The following OTUD7B variants were observed in gnomAD, a reference collection of about 807,000 sequenced individuals.
The protein encoded by OTUD7B is OTU domain-containing protein 7B.
A neutral mutation model predicts 82.2 loss-of-function variants in OTUD7B; 34 were observed. That is an observed-to-expected ratio of 0.41 (90% CI 0.31 to 0.55). The LOEUF is 0.55. Ranked by LOEUF, OTUD7B falls within the 20% of genes least tolerant of loss-of-function variation. The pLI is 0.20. For missense variants in OTUD7B, 944 were observed against 1,062.1 expected (o/e 0.89, Z 1.55); for synonymous variants, 398 against 402.7 (o/e 0.99, Z 0.14).
chr1:149,957,690 C>T (rs1553774840), intron 7 of OTUD7B, among the ~76,000 whole-genome samples: 3 of 152,194 alleles, frequency 2.0e-5, no homozygotes, highest in African/African-American at 7.2e-5. Context: ...CCACCCAGTT[C>T]GAGCTTCCCG....
Position 149,967,452 on chromosome 1 carries a change from G to A in OTUD7B, c.344C>T (p.Ser115Phe), listed in dbSNP as rs1311788590. 3.7e-6 allele frequency: 6 copies of A among 1,614,014 alleles called. No homozygotes were observed. Among genetic ancestry groups the A allele is most frequent in the Non-Finnish European group, 4.2e-6 (5 of 1,180,006 alleles). The change falls in exon 4 of 12, where the codon TCC becomes TTC. Residue 115 changes from serine to phenylalanine, a missense_variant. This residue lies in a region of OTUD7B where 530 missense variants were observed against 625.6 expected (regional missense o/e 0.85). Coordinates refer to ENST00000581312, the MANE Select transcript of OTUD7B (RefSeq NM_020205.4). ...GCTCCCCCCACCCCCACCATTGGAG[G>A]AGACATGGGACCGGGCCAGGGAAAC... ...SIVSLARSHVSSNGGGGGSNE... is the reference protein window; with the variant it reads ...SIVSLARSHVFSNGGGGGSNE...
chr1:150,066,584 T>C, the OTUD7B span, among the ~76,000 whole-genome samples: 5 of 152,248 alleles, frequency 3.3e-5, no homozygotes, highest in Admixed American at 6.5e-5. This position sits in a 1 kb window ranked among gnomAD's most constrained non-coding sequence, Gnocchi z 4.6. Context: ...CTATTTTAAC[T>C]GTGTACTTCT....
At chr1:149,959,235 A>AG (rs1648958104) in intron 7 of OTUD7B, among the ~76,000 whole-genome samples, 2 of 82 alleles carry the variant, frequency 0.024, no homozygotes, top group Non-Finnish European at 0.042. Context: ...AAAAAAGAAA[A>AG]AAAAGAAAGA....
intron 10 of OTUD7B, among the ~76,000 whole-genome samples, chr1:149,948,142 G>T (rs587750418): frequency 1.4e-4 from 21 of 151,754 alleles, no homozygotes; most frequent in Admixed American, 1.2e-3. Flanking sequence ...ACCACGCCTG[G>T]CTAATTTTGT....
At chr1:149,994,346 G>A (rs782544845) in intron 1 of OTUD7B, among the ~76,000 whole-genome samples, 1 of 152,096 alleles carries the variant, frequency 6.6e-6, no homozygotes, top group Non-Finnish European at 1.5e-5. Context: ...ACTTTGGGAG[G>A]CTGAGGTGGG....
At chr1:149,948,030 AGT>A (rs1364908576) in intron 10 of OTUD7B, among the ~76,000 whole-genome samples, 1 of 152,098 alleles carries the variant, frequency 6.6e-6, no homozygotes, top group Non-Finnish European at 1.5e-5. Context: ...CCCATACTGG[AGT>A]GTAATGGTAC....
intron 8 of OTUD7B, 85 bp from the exon 9 acceptor site, chr1:149,949,863 C>T: frequency 7.0e-7 from 1 of 1,428,666 alleles, no homozygotes; most frequent in South Asian, 1.3e-5. Flanking sequence ...AACTGAGTCC[C>T]TCCCTGCTTT....
At chr1:149,960,477 C>G (rs1178792180) in intron 6 of OTUD7B, among the ~76,000 whole-genome samples, 2 of 147,430 alleles carry the variant, frequency 1.4e-5, no homozygotes, top group Non-Finnish European at 3.0e-5. Flanking sequence ...CTTCACCTCC[C>G]GGGTTCAAAT....
the OTUD7B span, among the ~76,000 whole-genome samples, chr1:150,053,589 T>G: frequency 1.3e-5 from 2 of 151,700 alleles, no homozygotes; most frequent in South Asian, 4.2e-4. Context: ...AGAGACGAGG[T>G]TTCTCCATGT....
intron 7 of OTUD7B, among the ~76,000 whole-genome samples, chr1:149,958,679 A>G (rs1013185266): frequency 3.3e-5 from 5 of 152,050 alleles, no homozygotes; most frequent in Non-Finnish European, 5.9e-5. Flanking sequence ...ACAATAATCA[A>G]ACACAGAGAC....
At chr1:150,056,220 C>T in the OTUD7B span, among the ~76,000 whole-genome samples, 1 of 152,092 alleles carries the variant, frequency 6.6e-6, no homozygotes, top group Non-Finnish European at 1.5e-5. Context: ...TGGTCATCTA[C>T]ATATCTAACA....
intron 6 of OTUD7B, chr1:149,963,905 A>G (rs1408197911): frequency 4.2e-6 from 1 of 238,382 alleles, no homozygotes; most frequent in Non-Finnish European, 8.2e-6. Flanking sequence ...AAAAAACAAA[A>G]CAATACAAAA....
intron 7 of OTUD7B, among the ~76,000 whole-genome samples, chr1:149,956,300 G>C (rs1648661334): frequency 6.6e-6 from 1 of 152,116 alleles, no homozygotes; most frequent in East Asian, 1.9e-4. Context: ...ATGAAGCTTA[G>C]TTTGGCTGGA....
chr1:150,022,426 A>AAAAAAAT, the OTUD7B span, among the ~76,000 whole-genome samples: 9 of 100,826 alleles, frequency 8.9e-5, 3 homozygotes, highest in African/African-American at 1.6e-4. Flanking sequence ...AAAAAAAATA[A>AAAAAAAT]CTACATGCTG....
chr1:149,965,625 AAC>A, intron 5 of OTUD7B, 150 bp downstream of exon 5: 1 of 618,952 alleles, frequency 1.6e-6, no homozygotes, highest in Non-Finnish European at 3.0e-6. Context: ...TGCCAACATA[AAC>A]ACACAGACAC....
chr1:150,031,487 C>T, the OTUD7B span, among the ~76,000 whole-genome samples: 1 of 152,158 alleles, frequency 6.6e-6, no homozygotes, highest in Admixed American at 6.5e-5. Flanking sequence ...GAAGCACATG[C>T]CTAGGCAATA....
chr1:150,037,137 T>C, the OTUD7B span, among the ~76,000 whole-genome samples: 2 of 152,152 alleles, frequency 1.3e-5, no homozygotes, highest in Non-Finnish European at 2.9e-5. Context: ...TCCGGTCAAC[T>C]CAGCATTCTA....
intron 1 of OTUD7B, among the ~76,000 whole-genome samples, chr1:149,990,582 ATTTT>A (rs1242841290): frequency 6.6e-5 from 10 of 152,184 alleles, no homozygotes; most frequent in Admixed American, 6.5e-4. Flanking sequence ...CTCTGTTATA[ATTTT>A]TTGTTTTTAA....
chr1:150,023,767 TAA>T, the OTUD7B span, among the ~76,000 whole-genome samples: 1 of 152,198 alleles, frequency 6.6e-6, no homozygotes, highest in African/African-American at 2.4e-5. Context: ...TCAAAATCGC[TAA>T]AAGAGTAGAT....
Sources: allele counts gnomAD v4.1 joint callset (sites outside exome capture counted in the v4.1 genomes callset), GRCh38; gene constraint gnomAD v4.1.1; regional missense constraint gnomAD v4.1.1; non-coding constraint Gnocchi (gnomAD v3.1); transcripts MANE v1.5; gene names NCBI Gene and HGNC (gene_info 2026-07-23, HGNC 2026-07-21).